ADGRV1: variants seen among roughly 807,000 people sequenced by gnomAD.
ADGRV1 encodes the protein adhesion G protein-coupled receptor V1.
In ADGRV1, 359 loss-of-function variants were observed where a neutral mutation model predicts 596.2. The observed-to-expected ratio is 0.60, with a 90% CI of 0.55 to 0.66. The LOEUF (loss-of-function observed/expected upper bound fraction) is 0.66, where lower values mean the gene tolerates loss of function less well. Among genes scored for constraint, ADGRV1 ranks in the 30% least tolerant of loss-of-function variants. ADGRV1 has a pLI of 0.00. For synonymous variants in ADGRV1, 2,681 were observed against 2,679.2 expected, an observed-to-expected ratio of 1.00 and a Z score of -0.02; for missense variants, 7,274 against 7,575.6, an observed-to-expected ratio of 0.96 and a Z score of 1.48.
chr5:91,095,970 G>T (rs1288000203), intron 86 of ADGRV1, among the ~76,000 whole-genome samples: 1 of 150,422 alleles, frequency 6.6e-6, no homozygotes, highest in East Asian at 1.9e-4. Context: ...ACATTGACCA[G>T]GCTCATCTGA....
chr5:90,870,198 A>C (rs1243089856), intron 83 of ADGRV1, among the ~76,000 whole-genome samples: 1 of 152,188 alleles, frequency 6.6e-6, no homozygotes, highest in Non-Finnish European at 1.5e-5. Flanking sequence ...GTGTATATAG[A>C]ATACATATAA....
chr5:90,617,723 CTT>C, intron 2 of ADGRV1, 79 bp from the exon 3 acceptor site: 5 of 1,164,956 alleles, frequency 4.3e-6, no homozygotes, highest in Non-Finnish European at 6.0e-6. Flanking sequence ...TGCTTTTTCT[CTT>C]GATTGCTGTA....
chr5:90,742,483 G>C (rs1754074642), intron 50 of ADGRV1, among the ~76,000 whole-genome samples: 1 of 152,086 alleles, frequency 6.6e-6, no homozygotes, highest in South Asian at 2.1e-4. Context: ...AGTGATACTG[G>C]GTTTAACTGA....
intron 83 of ADGRV1, among the ~76,000 whole-genome samples, chr5:90,882,083 T>C (rs1769840040): frequency 6.6e-6 from 1 of 152,292 alleles, no homozygotes; most frequent in East Asian, 1.9e-4. Context: ...CTAAATTTCA[T>C]ATATGGTAGA....
At chr5:90,861,290 T>G (rs1369308896) in intron 82 of ADGRV1, among the ~76,000 whole-genome samples, 1 of 151,702 alleles carries the variant, frequency 6.6e-6, no homozygotes, top group Non-Finnish European at 1.5e-5. Flanking sequence ...TTTAAAATTT[T>G]TATTTATTTA....
intron 38 of ADGRV1, among the ~76,000 whole-genome samples, chr5:90,708,584 A>T (rs999985812): frequency 6.6e-6 from 1 of 151,850 alleles, no homozygotes; most frequent in South Asian, 2.1e-4. Flanking sequence ...TATATTTAAA[A>T]TGTTAAAATA....
intron 85 of ADGRV1, among the ~76,000 whole-genome samples, chr5:90,986,092 TATATATATATATATTATGC>T (rs1217013901): frequency 7.2e-6 from 1 of 138,292 alleles, no homozygotes; most frequent in African/African-American, 2.6e-5. Flanking sequence ...ATGCATAATA[TATATATATATATATTATGC>T]ATATATATAT....
At chr5:90,958,160 G>A (rs1285743692) in intron 83 of ADGRV1, among the ~76,000 whole-genome samples, 2 of 151,332 alleles carry the variant, frequency 1.3e-5, no homozygotes, top group East Asian at 1.9e-4. Flanking sequence ...GTGCATGCCT[G>A]TAGTCCCCAG....
intron 50 of ADGRV1, among the ~76,000 whole-genome samples, chr5:90,743,495 G>A (rs1339990488): frequency 7.7e-6 from 1 of 129,246 alleles, no homozygotes; most frequent in South Asian, 2.4e-4. Context: ...TTTTTGAGAT[G>A]GAGTCTTAAT....
chr5:90,756,464 C>A lies in ADGRV1; in HGVS notation c.11591C>A (p.Pro3864His). 1 of 1,516,660 alleles carries A rather than the reference C, an allele frequency of 6.6e-7. No individual in the cohort carries two copies. The highest frequency in any genetic ancestry group is 8.9e-7 in the Non-Finnish European group (1 of 1,129,296). The allele number at this position is 1,516,660 out of a possible 1,614,324, so 94.0% of individuals were successfully genotyped here. A position where few individuals can be genotyped will look rare whatever the true frequency, so the allele number is the denominator to read the frequency against. Reference protein sequence around the residue: ...AEVSILPDDLPELEEGFIVTI... With the variant: ...AEVSILPDDLHELEEGFIVTI... Reference sequence around the variant, plus strand: ...TCCCCCATCCCCCAGGATGACCTTCCTGAATTGGAGGAAGGATTTATTGTC... The same window carrying A: ...TCCCCCATCCCCCAGGATGACCTTCATGAATTGGAGGAAGGATTTATTGTC... The change falls in exon 56 of 90, where the codon CCT (proline) becomes CAT (histidine). Residue 3864 changes from proline to histidine, a missense_variant. Pro to His is a moderately conservative substitution (Grantham distance 77). Transcript: ENST00000405460.
chr5:90,980,422 T>C (rs1779986419), intron 84 of ADGRV1, among the ~76,000 whole-genome samples: 1 of 152,084 alleles, frequency 6.6e-6, no homozygotes, highest in South Asian at 2.1e-4. Flanking sequence ...GTATTCGGAG[T>C]GTGTATGAAA....
chr5:90,916,558 G>A (rs949162433), intron 83 of ADGRV1, among the ~76,000 whole-genome samples: 99 of 151,254 alleles, frequency 6.5e-4, no homozygotes, highest in African/African-American at 2.2e-3. Context: ...CATATTATTC[G>A]ATATTCAATT....
chr5:91,028,564 T>C (rs1310016118), intron 85 of ADGRV1, among the ~76,000 whole-genome samples: 1 of 152,062 alleles, frequency 6.6e-6, no homozygotes, highest in African/African-American at 2.4e-5. Flanking sequence ...ACCAGACTTA[T>C]GTAATTTACT....
intron 10 of ADGRV1, among the ~76,000 whole-genome samples, chr5:90,636,101 A>C (rs1445684714): frequency 6.6e-6 from 1 of 151,924 alleles, no homozygotes; most frequent in Non-Finnish European, 1.5e-5. Flanking sequence ...AATATATGTA[A>C]ATTTTTGCAT....
At chr5:90,591,978 T>C (rs1485078989) in intron 1 of ADGRV1, among the ~76,000 whole-genome samples, 1 of 152,230 alleles carries the variant, frequency 6.6e-6, no homozygotes, top group Non-Finnish European at 1.5e-5. Context: ...CTTGCCAAGC[T>C]AACTCAGATA....
chr5:90,935,299 T>C (rs774454285), intron 83 of ADGRV1, among the ~76,000 whole-genome samples: 1 of 152,224 alleles, frequency 6.6e-6, no homozygotes, highest in Non-Finnish European at 1.5e-5. Flanking sequence ...ACATACTCCA[T>C]AGTTTTGCTT....
intron 59 of ADGRV1, among the ~76,000 whole-genome samples, chr5:90,765,311 C>T (rs1316807374): frequency 1.3e-5 from 2 of 151,972 alleles, no homozygotes; most frequent in Non-Finnish European, 2.9e-5. Context: ...GGCCACACCT[C>T]GAGAGCTGTC....
chr5:90,750,634 C>T lies in ADGRV1; in HGVS notation c.11058C>T (p.Gly3686=). The T allele has an allele frequency of 6.2e-7, 1 of 1,611,322 alleles. No homozygotes were observed. The highest frequency in any genetic ancestry group is 1.3e-5 in the African/African-American group (1 of 74,934). Residue 3686 remains glycine (G), a synonymous_variant, in exon 53 of 90, where the codon GGC becomes GGT. Transcript: ENST00000405460. The part of the protein sequence containing the change: ...LNVERLKGTY[G]RITIAWEADG... ...TTGAACGCTTAAAAGGAACATATGG[C>T]CGTATAACCATAGCATGGGAAGCTG...
chr5:90,800,141 A>C (rs1352884414), intron 70 of ADGRV1, among the ~76,000 whole-genome samples: 1 of 152,228 alleles, frequency 6.6e-6, no homozygotes, highest in Middle Eastern at 3.2e-3. Context: ...GTGAACAGGC[A>C]ACCTACAGAA....
Sources: allele counts gnomAD v4.1 joint callset (sites outside exome capture counted in the v4.1 genomes callset), GRCh38; gene constraint gnomAD v4.1.1; transcripts MANE v1.5; gene names NCBI Gene and HGNC (gene_info 2026-07-23, HGNC 2026-07-21).